HOMER2: variants seen among roughly 807,000 people sequenced by gnomAD.
HOMER2 encodes the protein homer protein homolog 2.
A neutral mutation model predicts 47.0 loss-of-function variants in HOMER2; 27 were observed. The ratio of observed to expected loss-of-function variants is 0.57; its 90% CI spans 0.42 to 0.79. HOMER2 has a LOEUF of 0.79. HOMER2 is among the 30% of genes least tolerant of loss of function. The probability of loss-of-function intolerance (pLI) is 0.00; values close to 1 mark genes in which losing one functional copy is unlikely to be tolerated. For missense variants in HOMER2, 443 were observed against 435.0 expected (o/e 1.02, Z -0.16); for synonymous variants, 161 against 163.8 (o/e 0.98, Z 0.13).
chr15:82,969,839 A>G (rs568748387), intron 1 of HOMER2, among the ~76,000 whole-genome samples: 2 of 152,378 alleles, frequency 1.3e-5, no homozygotes, highest in African/African-American at 4.8e-5. Flanking sequence ...GATAGTAAAA[A>G]TAAAAATAAA....
intron 1 of HOMER2, among the ~76,000 whole-genome samples, chr15:82,970,907 A>C (rs948100468): frequency 6.6e-6 from 1 of 152,208 alleles, no homozygotes; most frequent in Non-Finnish European, 1.5e-5. Context: ...GCAAAATTCA[A>C]TTCCCTTTGG....
At chr15:82,952,447 G>T in intron 1 of HOMER2, 84 bp downstream of exon 1, 1 of 994,364 alleles carries the variant, frequency 1.0e-6, no homozygotes, top group Non-Finnish European at 1.3e-6. Context: ...CCCGCCGGGA[G>T]GCTCCGAGCC....
At chr15:82,840,339 C>G (rs2051163913) in exon 2 of HOMER2, 1 of 152,006 alleles carries the variant, frequency 6.6e-6, no homozygotes, top group African/African-American at 2.4e-5. Flanking sequence ...CAGAGTAATT[C>G]TGGAAAAACC....
chr15:82,918,769 C>T, intron 1 of HOMER2, among the ~76,000 whole-genome samples: 1 of 152,196 alleles, frequency 6.6e-6, no homozygotes, highest in South Asian at 2.1e-4. Flanking sequence ...GAACATCTCC[C>T]TCGCTGTCCT....
intron 1 of HOMER2, chr15:82,985,679 T>C (rs765753223): frequency 6.6e-6 from 1 of 152,216 alleles, no homozygotes; most frequent in African/African-American, 2.4e-5. Context: ...CCACAAGACA[T>C]GGGCAAGACT....
At chr15:82,878,488 G>A (rs2052422381) in intron 2 of HOMER2, among the ~76,000 whole-genome samples, 1 of 152,312 alleles carries the variant, frequency 6.6e-6, no homozygotes, top group East Asian at 1.9e-4. Flanking sequence ...GTCTATTTAC[G>A]ATGGCTGGAG....
At chr15:82,952,248 G>A (rs1473492912) in intron 1 of HOMER2, among the ~76,000 whole-genome samples, 1 of 152,254 alleles carries the variant, frequency 6.6e-6, no homozygotes, top group African/African-American at 2.4e-5. Context: ...AGGCCGGCCA[G>A]GGCACCGGTC....
chr15:82,872,771 G>A (rs151254243), intron 3 of HOMER2, among the ~76,000 whole-genome samples: 15 of 152,194 alleles, frequency 9.9e-5, no homozygotes, highest in Non-Finnish European at 1.8e-4. Flanking sequence ...AACATCTCAT[G>A]GTGCCACATG....
chr15:82,843,448 A>C (rs2051198247), exon 2 of HOMER2: 1 of 104,664 alleles, frequency 9.6e-6, no homozygotes, highest in Non-Finnish European at 2.2e-5. Context: ...GTCTCAAAAA[A>C]AAAAAAAAAA....
At chr15:82,892,508 T>G (rs1056850539) in intron 2 of HOMER2, among the ~76,000 whole-genome samples, 177 bp downstream of exon 2, 1 of 152,206 alleles carries the variant, frequency 6.6e-6, no homozygotes, top group African/African-American at 2.4e-5. Flanking sequence ...ATGAAGACAG[T>G]GGTAACAGAG....
intron 1 of HOMER2, among the ~76,000 whole-genome samples, chr15:82,938,424 G>C (rs1421124097): frequency 1.3e-5 from 2 of 152,046 alleles, no homozygotes; most frequent in African/African-American, 4.8e-5. Flanking sequence ...CCCTCTTCTG[G>C]CCACAGCCTC....
intron 1 of HOMER2, among the ~76,000 whole-genome samples, chr15:82,971,965 T>C (rs1177591504): frequency 6.6e-6 from 1 of 152,232 alleles, no homozygotes; most frequent in Non-Finnish European, 1.5e-5. Flanking sequence ...TGCCATATTA[T>C]CCTGGGGTTT....
At chr15:82,873,653 GATCTGGAGGTTTTAGCACC>G (rs1274652830) in intron 3 of HOMER2, among the ~76,000 whole-genome samples, 1 of 152,224 alleles carries the variant, frequency 6.6e-6, no homozygotes, top group African/African-American at 2.4e-5. Context: ...AGGCCCTGGT[GATCTGGAGGTTTTAGCACC>G]CAGGAAAGAA....
chr15:82,944,172 CT>C (rs1252392775), intron 1 of HOMER2, among the ~76,000 whole-genome samples: 2 of 152,084 alleles, frequency 1.3e-5, no homozygotes, highest in Non-Finnish European at 1.5e-5. Flanking sequence ...TACCATATGA[CT>C]AACAGCACCC....
chr15:82,960,982 C>T (rs2054626399), intron 1 of HOMER2, among the ~76,000 whole-genome samples: 1 of 152,230 alleles, frequency 6.6e-6, no homozygotes, highest in Non-Finnish European at 1.5e-5. Context: ...TAAGACCTGG[C>T]TTCTGCTCCA....
intron 4 of HOMER2, among the ~76,000 whole-genome samples, chr15:82,860,722 A>C (rs1040951703): frequency 6.6e-6 from 1 of 152,094 alleles, no homozygotes; most frequent in Non-Finnish European, 1.5e-5. Flanking sequence ...AGATCACTTG[A>C]GGTCAAGAGT....
At chr15:82,983,453 C>A (rs1379375384) in intron 1 of HOMER2, among the ~76,000 whole-genome samples, 1 of 152,136 alleles carries the variant, frequency 6.6e-6, no homozygotes, top group Non-Finnish European at 1.5e-5. Context: ...GAATATTTCA[C>A]CAGTGTTTCA....
chr15:82,842,611 G>T (rs1712729209), exon 2 of HOMER2: 1 of 152,166 alleles, frequency 6.6e-6, no homozygotes, highest in Non-Finnish European at 1.5e-5. Context: ...ACCATGCCCG[G>T]CCTGCACAAT....
chr15:82,974,350 G>A (rs974465034), intron 1 of HOMER2, among the ~76,000 whole-genome samples: 7 of 151,126 alleles, frequency 4.6e-5, no homozygotes, highest in Admixed American at 2.0e-4. Context: ...GTTGCAGTGA[G>A]CCGAGATCGC....
Sources: gnomAD v4.1 joint callset for allele counts (sites outside exome capture counted in the v4.1 genomes callset) on GRCh38, gnomAD v4.1.1 for gene constraint, MANE v1.5 for transcripts, NCBI Gene and HGNC (gene_info 2026-07-23, HGNC 2026-07-21) for gene names.